The following POLR1D variants were observed in gnomAD, a reference collection of about 807,000 sequenced individuals.
POLR1D encodes the protein DNA-directed RNA polymerases I and III subunit RPAC2.
Under a neutral mutation model 10.8 loss-of-function variants are expected in POLR1D, and 8 were observed. That is an observed-to-expected ratio of 0.74 (90% CI 0.43 to 1.33). The LOEUF is 1.33. POLR1D is among the 40% of genes most tolerant of loss of function. The pLI is 0.01. For missense variants in POLR1D, 152 were observed against 161.7 expected (o/e 0.94, Z 0.32); for synonymous variants, 54 against 57.2 (o/e 0.94, Z 0.25).
chr13:27,623,244 A>G lies in POLR1D; in HGVS notation c.396A>G (p.Thr132=). The change falls in exon 2 of 2, where the codon ACA becomes ACG. Residue 132 remains threonine, a synonymous_variant. Transcript: ENST00000302979. The part of the protein sequence containing the change: ...KDQKASRNES[T]F ...AAAAAGCAAGCAGAAATGAATCCAC[A>G]TTCTAGTCCTTTATGCAGTATACAA... 1 of 1,613,826 alleles carries G rather than the reference A, an allele frequency of 6.2e-7. No individual in the cohort carries two copies. Among genetic ancestry groups the G allele is most frequent in the Non-Finnish European group, 8.5e-7 (1 of 1,180,008 alleles).
chr13:27,650,830 CATA>C (rs1340184273), intron 2 of POLR1D: 9 of 152,144 alleles, frequency 5.9e-5, no homozygotes, highest in African/African-American at 1.9e-4. Context: ...TAATGATAAT[CATA>C]ATAACAAACC....
At chr13:27,659,560 C>T (rs1414912051) in intron 2 of POLR1D, among the ~76,000 whole-genome samples, 2 of 152,206 alleles carry the variant, frequency 1.3e-5, no homozygotes, top group Non-Finnish European at 2.9e-5. Flanking sequence ...TCACTTCTCT[C>T]TGTGGATTAT....
At chr13:27,648,037 G>C (rs971957186) in intron 1 of POLR1D, 1 of 200,008 alleles carries the variant, frequency 5.0e-6, no homozygotes, top group Non-Finnish European at 1.0e-5. Flanking sequence ...CAGTGAATTT[G>C]AAAAAATATA....
chr13:27,642,895 C>G (rs972945247), intron 1 of POLR1D, among the ~76,000 whole-genome samples: 1 of 152,170 alleles, frequency 6.6e-6, no homozygotes, highest in Non-Finnish European at 1.5e-5. Flanking sequence ...TTTCATCTAT[C>G]TCTTTAGTTC....
chr13:27,631,220 T>A (rs937173820), intron 1 of POLR1D, among the ~76,000 whole-genome samples: 42 of 152,226 alleles, frequency 2.8e-4, no homozygotes, highest in African/African-American at 1.0e-3. Flanking sequence ...GTAGTCAAGA[T>A]GTCATCCAGG....
chr13:27,637,880 A>C (rs1189374755), intron 1 of POLR1D, among the ~76,000 whole-genome samples: 1 of 152,014 alleles, frequency 6.6e-6, no homozygotes, highest in East Asian at 1.9e-4. Context: ...ATCCTCCCCC[A>C]TCAGCCTCCT....
intron 2 of POLR1D, among the ~76,000 whole-genome samples, chr13:27,653,844 A>T (rs1052837675): frequency 1.5e-3 from 224 of 152,338 alleles, no homozygotes; most frequent in African/African-American, 5.1e-3. Context: ...CTGGGTTCTT[A>T]TATCTGCTTC....
At chr13:27,632,648 G>A (rs369016633) in intron 1 of POLR1D, among the ~76,000 whole-genome samples, 4 of 93,858 alleles carry the variant, frequency 4.3e-5, no homozygotes, top group Non-Finnish European at 1.0e-4. Flanking sequence ...AGCACCCCCC[G>A]CCCCCCAGCA....
chr13:27,639,406 A>G (rs1348565468), intron 1 of POLR1D, among the ~76,000 whole-genome samples: 1 of 152,142 alleles, frequency 6.6e-6, no homozygotes, highest in Non-Finnish European at 1.5e-5. Context: ...TTCTATTCAG[A>G]GTTTAACATT....
chr13:27,620,824 G>A (rs1388918352), upstream of POLR1D: 1 of 153,268 alleles, frequency 6.5e-6, no homozygotes, highest in Non-Finnish European at 1.5e-5. Flanking sequence ...AAGCCCCGCT[G>A]GCTAGGTGTC....
intron 1 of POLR1D, among the ~76,000 whole-genome samples, chr13:27,630,573 A>T (rs185224630): frequency 1.3e-5 from 2 of 152,262 alleles, no homozygotes; most frequent in Non-Finnish European, 2.9e-5. Flanking sequence ...TGTTGGCTCC[A>T]CACTTCCTAT....
chr13:27,636,903 G>T (rs1956129517), intron 1 of POLR1D, among the ~76,000 whole-genome samples: 1 of 152,150 alleles, frequency 6.6e-6, no homozygotes, highest in Non-Finnish European at 1.5e-5. Flanking sequence ...AATATGTACG[G>T]CTACTTAAAG....
At chr13:27,625,320 A>G (rs1453141246), downstream of POLR1D, among the ~76,000 whole-genome samples, 2 of 152,150 alleles carry the variant, frequency 1.3e-5, no homozygotes, top group African/African-American at 4.8e-5. Context: ...GAGAGACACT[A>G]TAAAGAGTTG....
rs1229209873 is a variant in POLR1D at position 27,663,485 on chromosome 13, C to T, written c.102-2201C>T. The stretch of plus-strand genomic sequence containing the variant: ...AAACCATCTCATTCTCTGGCTAACT[C>T]TTTGGGTCACTATGTTGAGTCAGTG... On this transcript the variant is annotated intron_variant, in intron 2 of 2. Transcript: ENST00000399697. The surrounding 1 kb of genome is among the most constrained non-coding windows in gnomAD (Gnocchi z 4.1). 6.6e-6 allele frequency among the ~76,000 whole-genome samples: 1 copy of T among 152,228 alleles called. No homozygotes were observed. The highest frequency in any genetic ancestry group is 1.5e-5 in the Non-Finnish European group (1 of 68,040).
rs1028147740 is a variant in POLR1D at position 27,663,030 on chromosome 13, C to A, written c.102-2656C>A. On this transcript the variant is annotated intron_variant, in intron 2 of 2. Transcript: ENST00000399697. This position sits in a 1 kb window ranked among gnomAD's most constrained non-coding sequence, Gnocchi z 4.1. ...CAATGAAACAACCAACTGTGAGATT[C>A]AGCAAAATTAATTTCTACCTTAAAG... 1.3e-5 allele frequency among the ~76,000 whole-genome samples: 2 copies of A among 152,216 alleles called. No individual in the cohort carries two copies. The highest frequency in any genetic ancestry group is 4.8e-5 in the African/African-American group (2 of 41,434).
At chr13:27,654,053 C>A (rs1956288816) in intron 2 of POLR1D, among the ~76,000 whole-genome samples, 1 of 152,186 alleles carries the variant, frequency 6.6e-6, no homozygotes. Context: ...ACGCTCCTTA[C>A]AGAGCAAGAA....
At chr13:27,633,919 A>G (rs1956097842) in intron 1 of POLR1D, among the ~76,000 whole-genome samples, 1 of 152,360 alleles carries the variant, frequency 6.6e-6, no homozygotes, top group East Asian at 1.9e-4. Context: ...TAAAATTAAT[A>G]TAAGCTTCAT....
At chr13:27,633,979 A>G (rs1383447023) in intron 1 of POLR1D, among the ~76,000 whole-genome samples, 1 of 152,226 alleles carries the variant, frequency 6.6e-6, no homozygotes, top group Non-Finnish European at 1.5e-5. Context: ...CCATCATCAT[A>G]TTCTTGTCAA....
chr13:27,655,847 GAGGA>G (rs1956303473), intron 2 of POLR1D, among the ~76,000 whole-genome samples: 1 of 142,586 alleles, frequency 7.0e-6, no homozygotes, highest in Non-Finnish European at 1.6e-5. Flanking sequence ...AAAGAGGCAG[GAGGA>G]AGGAAGGGAG....
Sources: allele counts gnomAD v4.1 joint callset (sites outside exome capture counted in the v4.1 genomes callset), GRCh38; gene constraint gnomAD v4.1.1; non-coding constraint Gnocchi (gnomAD v3.1); transcripts MANE v1.5; gene names NCBI Gene and HGNC (gene_info 2026-07-23, HGNC 2026-07-21).